STX5: variants seen among roughly 807,000 people sequenced by gnomAD.
STX5 encodes the protein syntaxin-5.
In STX5, 15 loss-of-function variants were observed where a neutral mutation model predicts 42.9. That is an observed-to-expected ratio of 0.35 (90% CI 0.23 to 0.54). The LOEUF is 0.54. Ranked by LOEUF, STX5 falls within the 20% of genes least tolerant of loss-of-function variation. The pLI, the probability that STX5 is intolerant of heterozygous loss-of-function variation, is 0.91. For missense variants in STX5, 430 were observed against 455.0 expected (o/e 0.95, Z 0.50); for synonymous variants, 184 against 173.2 (o/e 1.06, Z -0.49).
chr11:62,808,428 A>AG (rs200859210), intron 10 of STX5, among the ~76,000 whole-genome samples: 1 of 140,082 alleles, frequency 7.1e-6, no homozygotes, highest in Non-Finnish European at 1.5e-5. Flanking sequence ...AGACTGCCTC[A>AG]GGGGGAAAAA....
intron 10 of STX5, 136 bp from the exon 11 acceptor site, chr11:62,807,764 T>C: frequency 6.9e-7 from 1 of 1,439,858 alleles, no homozygotes; most frequent in South Asian, 1.5e-5. Flanking sequence ...TAGAAAAGGC[T>C]TTGGAAGGGT....
In STX5 at chr11:62,824,477, C is replaced by A. The variant is rs148728441; in HGVS notation, c.768G>T (p.Leu256=). 132 of 1,614,204 alleles carry A rather than the reference C, an allele frequency of 8.2e-5. No homozygotes were observed. In the African/African-American group the frequency reaches 1.0e-3, roughly 13 times the overall value. The change falls in exon 9 of 11, where the codon CTG becomes CTT. Residue 256 remains leucine, a synonymous_variant. Transcript: ENST00000294179. The stretch of plus-strand genomic sequence containing the variant: ...TGGGTACCTGCTCGTCAATGAGCTG[C>A]AGCTGCTGGCTGGTCCGAGAGTCCA... ...DMMDSRTSQQ[L]QLIDEQDSYI...
intron 10 of STX5, among the ~76,000 whole-genome samples, chr11:62,813,919 A>G (rs968059811): frequency 6.6e-6 from 1 of 152,186 alleles, no homozygotes; most frequent in Non-Finnish European, 1.5e-5. Context: ...TCTCAAGGAC[A>G]TCATTTCAAG....
chr11:62,830,599 TAC>T (rs2084845755), intron 2 of STX5: 1 of 462,920 alleles, frequency 2.2e-6, no homozygotes, highest in African/African-American at 2.0e-5. Flanking sequence ...TCCTTAATCT[TAC>T]AGAGATAAAA....
chr11:62,819,859 ATT>A (rs578089401), intron 10 of STX5, among the ~76,000 whole-genome samples: 4 of 135,712 alleles, frequency 2.9e-5, no homozygotes, highest in African/African-American at 2.7e-5. Flanking sequence ...ATGCCCAGCT[ATT>A]TTTTTTTTTT....
chr11:62,809,281 C>T (rs2084589076), intron 10 of STX5, among the ~76,000 whole-genome samples: 1 of 141,496 alleles, frequency 7.1e-6, no homozygotes, highest in Admixed American at 6.9e-5. Context: ...GAGCGAGACT[C>T]CGTCTCAAAA....
intron 10 of STX5, among the ~76,000 whole-genome samples, chr11:62,821,313 A>C (rs543990978): frequency 2.0e-5 from 3 of 152,310 alleles, no homozygotes; most frequent in South Asian, 2.1e-4. Context: ...TTTCAAAAAA[A>C]AGAAAAACCT....
chr11:62,818,851 A>G (rs903025391), intron 10 of STX5, among the ~76,000 whole-genome samples: 1 of 151,608 alleles, frequency 6.6e-6, no homozygotes, highest in Non-Finnish European at 1.5e-5. Context: ...CTCAGGAAAA[A>G]ATAAATAAAA....
At chr11:62,813,849 C>T (rs77756522) in intron 10 of STX5, among the ~76,000 whole-genome samples, 2,306 of 152,268 alleles carry the variant, frequency 0.015, 47 homozygotes, top group African/African-American at 0.052. Flanking sequence ...TCCCACCTAT[C>T]GCCAGCTCCT....
At chr11:62,815,818 T>TCA (rs2084667134) in intron 10 of STX5, 1 of 152,186 alleles carries the variant, frequency 6.6e-6, no homozygotes, top group African/African-American at 2.4e-5. Context: ...ATTACAGGTG[T>TCA]GAGCCACCGC....
At chr11:62,823,614 T>C (rs2084763070) in intron 10 of STX5, among the ~76,000 whole-genome samples, 1 of 152,168 alleles carries the variant, frequency 6.6e-6, no homozygotes, top group South Asian at 2.1e-4. Context: ...GGCACGATCT[T>C]GGCTCACTGC....
In STX5 at chr11:62,807,285, T is replaced by C; in HGVS notation, c.*184A>G. 2.5e-6 allele frequency: 2 copies of C among 808,362 alleles called. No individual in the cohort carries two copies. The highest frequency in any genetic ancestry group is 3.8e-4 in the Middle Eastern group (1 of 2,618). 50.1% of individuals were successfully genotyped at this position (808,362 alleles called of 1,614,324 possible). Reference sequence around the variant, plus strand: ...GTGTGTTTCATAGGCCTGAGGGTGGTGGGGGGAGGACAGGGTGGCCAGAGG... The same window carrying C: ...GTGTGTTTCATAGGCCTGAGGGTGGCGGGGGGAGGACAGGGTGGCCAGAGG... On this transcript the variant is annotated 3_prime_UTR_variant, in exon 11 of 11. Coordinates refer to ENST00000294179, the MANE Select transcript of STX5 (RefSeq NM_003164.5).
intron 10 of STX5, among the ~76,000 whole-genome samples, chr11:62,816,460 T>C (rs1173794428): frequency 6.6e-6 from 1 of 152,066 alleles, no homozygotes; most frequent in Non-Finnish European, 1.5e-5. Flanking sequence ...TTTCATTTTC[T>C]TGGAGAGATA....
At chr11:62,827,015 A>G (rs1379980079) in intron 5 of STX5, 140 bp downstream of exon 5, 20 of 705,624 alleles carry the variant, frequency 2.8e-5, no homozygotes, top group African/African-American at 1.3e-4. Context: ...ACACCACTAC[A>G]CTCCAGACTG....
chr11:62,814,871 G>A (rs557382658), intron 10 of STX5, among the ~76,000 whole-genome samples: 35 of 152,146 alleles, frequency 2.3e-4, no homozygotes, highest in Non-Finnish European at 4.7e-4. Context: ...TGGGATTACA[G>A]GTGTGAGCCA....
At chr11:62,807,909 GCTA>G in intron 10 of STX5, 1 of 433,494 alleles carries the variant, frequency 2.3e-6, no homozygotes, top group Middle Eastern at 6.5e-4. Flanking sequence ...CTTCTCTCAG[GCTA>G]CTGTCTGTCT....
intron 10 of STX5, among the ~76,000 whole-genome samples, chr11:62,821,239 T>C (rs928765191): frequency 4.0e-5 from 6 of 151,362 alleles, no homozygotes. Flanking sequence ...ACCTGGAAGG[T>C]GGAGGCTGCA....
chr11:62,830,627 G>C (rs2084846021), intron 2 of STX5: 1 of 460,672 alleles, frequency 2.2e-6, no homozygotes, highest in African/African-American at 2.0e-5. Flanking sequence ...TATGTAACTA[G>C]ATTAACTAAT....
In STX5 at chr11:62,825,456, C is replaced by T. The variant is rs1056142137; in HGVS notation, c.507G>A (p.Gln169=). 2.5e-6 allele frequency: 4 copies of T among 1,613,942 alleles called. No homozygotes were observed. Among genetic ancestry groups the T allele is most frequent in the Non-Finnish European group, 3.4e-6 (4 of 1,180,044 alleles). The change falls in exon 6 of 11, where the codon CAG becomes CAA. Residue 169 remains glutamine (Q), a synonymous_variant. Coordinates refer to ENST00000294179, the MANE Select transcript of STX5 (RefSeq NM_003164.5). ...AKGSQSGRHL[Q]THSNTIVVSL... ...AGACCACAATGGTGTTGGAGTGGGTCTGCAGGTGCCGGCCACTCTGGCTGC... is the reference window on the plus strand; with the variant it reads ...AGACCACAATGGTGTTGGAGTGGGTTTGCAGGTGCCGGCCACTCTGGCTGC...
Sources: allele counts gnomAD v4.1 joint callset (sites outside exome capture counted in the v4.1 genomes callset), GRCh38; gene constraint gnomAD v4.1.1; transcripts MANE v1.5; gene names NCBI Gene and HGNC (gene_info 2026-07-23, HGNC 2026-07-21).